Variants in ATF7IP observed in about 807,000 individuals in gnomAD.
ATF7IP encodes activating transcription factor 7-interacting protein 1.
In ATF7IP, 23 loss-of-function variants were observed where a neutral mutation model predicts 106.4. That is an observed-to-expected ratio of 0.22 (90% CI 0.16 to 0.31). ATF7IP has a LOEUF of 0.31. Ranked by LOEUF, ATF7IP falls within the 10% of genes least tolerant of loss-of-function variation. ATF7IP has a pLI of 1.00. For synonymous variants in ATF7IP, 542 were observed against 539.0 expected (o/e 1.01, Z -0.08); for missense variants, 1,334 against 1,524.3 (o/e 0.88, Z 2.08).
chr12:14,410,658 C>A (rs192401703), intron 1 of ATF7IP, among the ~76,000 whole-genome samples: 80 of 152,198 alleles, frequency 5.3e-4, no homozygotes, highest in African/African-American at 1.7e-3. Flanking sequence ...TCTTATACTT[C>A]TGTGAAACGA....
chr12:14,424,108 A>C lies in ATF7IP; in HGVS notation c.193A>C (p.Ile65Leu). The change falls in exon 2 of 15, where the codon ATT becomes CTT. Residue 65 changes from isoleucine to leucine, a missense_variant. Coordinates refer to ENST00000261168, the MANE Select transcript of ATF7IP (RefSeq NM_018179.5). ...PTSPLENMDY[I>L]KDKEEVNGIE... ...CTCACCTTTGGAAAACATGGATTAC[A>C]TTAAAGACAAGGAAGAGGTGAATGG... 6.2e-7 allele frequency: 1 copy of C among 1,614,228 alleles called. No homozygotes were observed. Among genetic ancestry groups the C allele is most frequent in the Non-Finnish European group, 8.5e-7 (1 of 1,180,038 alleles).
intron 13 of ATF7IP, among the ~76,000 whole-genome samples, chr12:14,485,496 T>A (rs1057420501): frequency 1.2e-4 from 18 of 152,162 alleles, no homozygotes; most frequent in African/African-American, 3.6e-4. Flanking sequence ...TTTTGCTACT[T>A]CTTGCTCACT....
At chr12:14,454,162 C>T (rs1342409118) in intron 6 of ATF7IP, among the ~76,000 whole-genome samples, 1 of 152,120 alleles carries the variant, frequency 6.6e-6, no homozygotes, top group Non-Finnish European at 1.5e-5. Flanking sequence ...AGTCTGTGGG[C>T]CTCTAACACC....
At chr12:14,490,428 T>C (rs1008130798) in intron 13 of ATF7IP, among the ~76,000 whole-genome samples, 1 of 152,174 alleles carries the variant, frequency 6.6e-6, no homozygotes, top group Non-Finnish European at 1.5e-5. Flanking sequence ...AACCAAACCA[T>C]TGGCTACAGC....
At chr12:14,467,002 C>A (rs1365310335) in intron 10 of ATF7IP, among the ~76,000 whole-genome samples, 1 of 152,056 alleles carries the variant, frequency 6.6e-6, no homozygotes, top group Admixed American at 6.6e-5. Flanking sequence ...TTAATTTCCC[C>A]AAAGGTAATC....
chr12:14,443,643 A>C (rs954382810), intron 5 of ATF7IP, among the ~76,000 whole-genome samples: 1 of 152,230 alleles, frequency 6.6e-6, no homozygotes, highest in Non-Finnish European at 1.5e-5. Flanking sequence ...ATTATTGGAA[A>C]TATTTCTACC....
chr12:14,406,965 C>T (rs1263631405), intron 1 of ATF7IP, among the ~76,000 whole-genome samples: 1 of 152,106 alleles, frequency 6.6e-6, no homozygotes, highest in Non-Finnish European at 1.5e-5. Flanking sequence ...AAAAGAGCCT[C>T]AGTTGGTGGA....
intron 6 of ATF7IP, among the ~76,000 whole-genome samples, chr12:14,447,744 T>C (rs558043818): frequency 1.4e-4 from 21 of 152,216 alleles, no homozygotes; most frequent in Admixed American, 2.6e-4. Flanking sequence ...CTGCCTGTAG[T>C]ATTCCTGTTC....
chr12:14,484,932 C>A (rs747868238), intron 13 of ATF7IP, among the ~76,000 whole-genome samples: 16 of 152,098 alleles, frequency 1.1e-4, no homozygotes, highest in Non-Finnish European at 1.9e-4. Context: ...GACCCATAGT[C>A]AAATGTTCAG....
chr12:14,435,082 T>TGA lies in ATF7IP; in HGVS notation c.1645+674_1645+675dup, dbSNP rs1046740186. On this transcript the variant is annotated intron_variant, in intron 3 of 14. Coordinates refer to ENST00000261168, the MANE Select transcript of ATF7IP (RefSeq NM_018179.5). ...CAGCCTGGGTGACAGAGTGACACCT[T>TGA]GAGAGAGAGAGAGAGAAGGAGGGAG... Among the ~76,000 whole-genome samples, 96 of 148,640 alleles carry TGA rather than the reference T, an allele frequency of 6.5e-4. 1 individual carries two copies. The highest frequency in any genetic ancestry group is 3.5e-3 in the Middle Eastern group (1 of 288).
At chr12:14,407,395 TTATC>T (rs1168139289) in intron 1 of ATF7IP, among the ~76,000 whole-genome samples, 1 of 152,118 alleles carries the variant, frequency 6.6e-6, no homozygotes, top group Non-Finnish European at 1.5e-5. Flanking sequence ...TCTTATTTAT[TTATC>T]TATTTATTTT....
intron 1 of ATF7IP, among the ~76,000 whole-genome samples, chr12:14,376,217 G>T (rs1938732260): frequency 1.3e-5 from 2 of 152,130 alleles, no homozygotes; most frequent in South Asian, 4.1e-4. Flanking sequence ...TTTATTTTGG[G>T]CACTAATTCC....
chr12:14,367,557 C>T (rs563704651), intron 1 of ATF7IP: 1 of 151,958 alleles, frequency 6.6e-6, no homozygotes, highest in South Asian at 2.1e-4. Flanking sequence ...ATAAATATTT[C>T]GGTTAACAAA....
At chr12:14,473,395 T>A (rs992432803) in intron 10 of ATF7IP, among the ~76,000 whole-genome samples, 2 of 152,020 alleles carry the variant, frequency 1.3e-5, no homozygotes, top group Non-Finnish European at 2.9e-5. Context: ...TGCAATTTTA[T>A]GTGTACATTT....
At chr12:14,456,414 A>T in intron 6 of ATF7IP, 147 bp from the exon 7 acceptor site, 1 of 578,628 alleles carries the variant, frequency 1.7e-6, no homozygotes, top group Non-Finnish European at 3.0e-6. Context: ...GCCAAGATTC[A>T]AATTATTGTC....
rs375142117 is a variant in ATF7IP at position 14,441,421 on chromosome 12, AT to A, written c.1929+3157del. ...TATTAAAGTCCTTTGCCCATTTTTA[AT>A]TTGGATTTTTTGCTTTTTTGTTGTT... On this transcript the variant is annotated intron_variant, in intron 5 of 14. Transcript: ENST00000261168. 9.9e-3 allele frequency among the ~76,000 whole-genome samples: 1,460 copies of A among 147,982 alleles called. 18 individuals are homozygous for A. Among genetic ancestry groups the A allele is most frequent in the Middle Eastern group, 0.067 (19 of 282 alleles).
intron 9 of ATF7IP, among the ~76,000 whole-genome samples, chr12:14,463,776 T>C (rs978559126): frequency 6.6e-6 from 1 of 152,124 alleles, no homozygotes; most frequent in Non-Finnish European, 1.5e-5. Flanking sequence ...GATGGTGGTA[T>C]GAAAAAGATT....
intron 6 of ATF7IP, among the ~76,000 whole-genome samples, chr12:14,449,363 C>G (rs538988408): frequency 7.3e-5 from 11 of 151,700 alleles, no homozygotes; most frequent in Admixed American, 1.3e-4. Flanking sequence ...GTGTATATAT[C>G]CAGTTTTCCC....
intron 2 of ATF7IP, among the ~76,000 whole-genome samples, chr12:14,433,047 T>C (rs937558914): frequency 6.6e-6 from 1 of 152,154 alleles, no homozygotes; most frequent in Admixed American, 6.5e-5. Context: ...CACTCTTCAG[T>C]TGTTACATTT....
Sources: allele counts gnomAD v4.1 joint callset (sites outside exome capture counted in the v4.1 genomes callset), GRCh38; gene constraint gnomAD v4.1.1; transcripts MANE v1.5; gene names NCBI Gene and HGNC (gene_info 2026-07-23, HGNC 2026-07-21).